Variants in EXOC3 observed in about 807,000 individuals in gnomAD.
EXOC3 encodes SEC6-like 1.
EXOC3 carries 21 observed loss-of-function variants against 73.7 expected under a neutral mutation model. The observed-to-expected ratio is 0.29, with a 90% CI of 0.20 to 0.41. The LOEUF (loss-of-function observed/expected upper bound fraction) is 0.41. Ranked by LOEUF, EXOC3 falls within the 10% of genes least tolerant of loss-of-function variation. The pLI, the probability that EXOC3 is intolerant of heterozygous loss-of-function variation, is 1.00. For synonymous variants in EXOC3, 410 were observed against 389.1 expected (o/e 1.05, Z -0.63); for missense variants, 842 against 985.1 (o/e 0.85, Z 1.95).
chr5:450,702 C>T (rs1364254396), intron 3 of EXOC3, among the ~76,000 whole-genome samples: 4 of 152,076 alleles, frequency 2.6e-5, no homozygotes, highest in Admixed American at 6.5e-5. Context: ...TGTATTTTGA[C>T]GGTCTGTTAG....
At chr5:462,880 C>A (rs4602680) in intron 9 of EXOC3, among the ~76,000 whole-genome samples, 10 of 151,976 alleles carry the variant, frequency 6.6e-5, no homozygotes, top group African/African-American at 2.4e-4. Flanking sequence ...CCAAGGTAGG[C>A]GGATCACCTG....
chr5:453,691 G>A lies in EXOC3; in HGVS notation c.686G>A (p.Arg229Gln), dbSNP rs1737719987. The A allele has an allele frequency of 1.9e-6, 3 of 1,613,792 alleles. No homozygotes were observed. The highest frequency in any genetic ancestry group is 1.7e-5 in the Admixed American group (1 of 60,002). ...EEKIDRRILD[R>Q]KKQTGFVPPG... ...AAAATTGACAGGCGCATACTTGACC[G>A]GAAAAAGCAAACTGGCTTTGTTCCT... is the stretch of plus-strand genomic sequence containing the variant. The change falls in exon 4 of 13, where the codon CGG becomes CAG. Residue 229 changes from arginine to glutamine, a missense_variant. Transcript: ENST00000512944.
intron 3 of EXOC3, among the ~76,000 whole-genome samples, chr5:451,935 T>A (rs1385253473): frequency 6.6e-6 from 1 of 152,240 alleles, no homozygotes; most frequent in African/African-American, 2.4e-5. Flanking sequence ...ATAATCTTAT[T>A]TTGGAGCCCT....
chr5:448,242 G>T (rs776809161), intron 3 of EXOC3, among the ~76,000 whole-genome samples: 10 of 152,218 alleles, frequency 6.6e-5, no homozygotes, highest in African/African-American at 2.2e-4. Context: ...GCTGAGCGCC[G>T]TGGGGGAGTG....
At chr5:464,146 C>T (rs917078685) in intron 9 of EXOC3, 144 bp from the exon 10 acceptor site, 7 of 689,224 alleles carry the variant, frequency 1.0e-5, no homozygotes, top group African/African-American at 1.8e-5. Flanking sequence ...TCTCGTGGGG[C>T]GTTGAGGTGA....
At chr5:451,436 A>T (rs1737656706) in intron 3 of EXOC3, among the ~76,000 whole-genome samples, 1 of 151,810 alleles carries the variant, frequency 6.6e-6, no homozygotes, top group Admixed American at 6.5e-5. Flanking sequence ...TTTAAAAATT[A>T]GGTAGAAAAC....
intron 7 of EXOC3, among the ~76,000 whole-genome samples, chr5:461,450 TAA>T (rs1369887421): frequency 1.3e-5 from 2 of 152,168 alleles, no homozygotes; most frequent in Non-Finnish European, 2.9e-5. Flanking sequence ...CTGTCTCTAC[TAA>T]AAATACAAAA....
At chr5:443,814 C>G (rs964099849) in intron 1 of EXOC3, among the ~76,000 whole-genome samples, 1 of 151,774 alleles carries the variant, frequency 6.6e-6, no homozygotes, top group African/African-American at 2.4e-5. Context: ...GTGTCCCCCC[C>G]CAGGCGCAGT....
intron 1 of EXOC3, among the ~76,000 whole-genome samples, chr5:445,463 C>G (rs1187409963): frequency 6.6e-6 from 1 of 151,680 alleles, no homozygotes; most frequent in African/African-American, 2.4e-5. Flanking sequence ...CAGTCTCCTG[C>G]CTCAGCCTCC....
intron 5 of EXOC3, 44 bp downstream of exon 5, chr5:457,050 A>G (rs778344342): frequency 1.4e-6 from 2 of 1,391,912 alleles, no homozygotes; most frequent in Non-Finnish European, 2.0e-6. Flanking sequence ...CGTGCTGGTT[A>G]TATGAGTAAC....
chr5:465,435 G>A (rs1422682664), intron 11 of EXOC3, among the ~76,000 whole-genome samples, 163 bp downstream of exon 11: 1 of 152,234 alleles, frequency 6.6e-6, no homozygotes, highest in Non-Finnish European at 1.5e-5. Context: ...GGACACGAAT[G>A]TCCACAGAGG....
At chr5:444,153 C>T (rs1737434829) in intron 1 of EXOC3, among the ~76,000 whole-genome samples, 1 of 152,228 alleles carries the variant, frequency 6.6e-6, no homozygotes, top group African/African-American at 2.4e-5. Flanking sequence ...AGGCTCACAG[C>T]GGAGCCAGCG....
chr5:465,356 G>C (rs950592658), intron 11 of EXOC3, 84 bp downstream of exon 11: 4 of 1,432,738 alleles, frequency 2.8e-6, no homozygotes, highest in Admixed American at 4.2e-5. Flanking sequence ...CGGGCCAGTA[G>C]ATGGGAGTGT....
intron 10 of EXOC3, chr5:464,732 T>C: frequency 2.5e-6 from 1 of 405,790 alleles, no homozygotes. Context: ...AGACCCTCCT[T>C]CCTGCAGGAC....
chr5:467,102 C>G lies in EXOC3; in HGVS notation c.*204C>G, dbSNP rs1738175294. 5 of 593,514 alleles carry G rather than the reference C, an allele frequency of 8.4e-6. No individual in the cohort carries two copies. The highest frequency in any genetic ancestry group is 6.0e-5 in the Admixed American group (2 of 33,474). The allele number at this position is 593,514 out of a possible 1,614,324, so 36.8% of individuals were successfully genotyped here. A position where few individuals can be genotyped will look rare whatever the true frequency, so the allele number is the denominator to read the frequency against. On this transcript the variant is annotated 3_prime_UTR_variant, in exon 13 of 13. Coordinates refer to ENST00000512944, the MANE Select transcript of EXOC3 (RefSeq NM_007277.5). Reference sequence around the variant, plus strand: ...GGCCCCTCACTGTGCTGTCAAAGGCCTGTGGGTGCAGGGCTCTGCCGCACA... The same window carrying G: ...GGCCCCTCACTGTGCTGTCAAAGGCGTGTGGGTGCAGGGCTCTGCCGCACA...
chr5:458,315 G>A (rs780245985), intron 6 of EXOC3, among the ~76,000 whole-genome samples: 42 of 152,180 alleles, frequency 2.8e-4, no homozygotes, highest in Non-Finnish European at 5.1e-4. Flanking sequence ...ATTTATGTGC[G>A]ACTTTCAAAT....
chr5:445,737 C>T (rs1737488542), intron 1 of EXOC3, among the ~76,000 whole-genome samples: 1 of 152,156 alleles, frequency 6.6e-6, no homozygotes, highest in African/African-American at 2.4e-5. Context: ...GAGTTGTCCA[C>T]GCTGTATTTG....
intron 3 of EXOC3, among the ~76,000 whole-genome samples, chr5:448,734 C>T (rs1039374753): frequency 3.3e-5 from 5 of 152,202 alleles, no homozygotes; most frequent in South Asian, 2.1e-4. Context: ...ATCCGTGTCC[C>T]GTCCACCCTG....
chr5:448,664 T>C (rs1032435150), intron 3 of EXOC3, among the ~76,000 whole-genome samples: 9 of 152,284 alleles, frequency 5.9e-5, no homozygotes, highest in African/African-American at 2.2e-4. Context: ...GCTGCTCGGC[T>C]CCTGAGGCCA....
Sources: gnomAD v4.1 joint callset for allele counts (sites outside exome capture counted in the v4.1 genomes callset) on GRCh38, gnomAD v4.1.1 for gene constraint, MANE v1.5 for transcripts, NCBI Gene and HGNC (gene_info 2026-07-23, HGNC 2026-07-21) for gene names.